Variants in ZNF536 observed in about 807,000 individuals in gnomAD.
ZNF536 encodes zinc finger protein 536.
Under a neutral mutation model 84.5 loss-of-function variants are expected in ZNF536, and 13 were observed. That is an observed-to-expected ratio of 0.15 (90% confidence interval 0.10 to 0.24). The LOEUF is 0.24. Among genes scored for constraint, ZNF536 ranks in the 10% least tolerant of loss-of-function variants. The probability of loss-of-function intolerance (pLI) is 1.00; values close to 1 mark genes in which losing one functional copy is unlikely to be tolerated. For missense variants in ZNF536, 1,536 were observed against 1,747.5 expected, an observed-to-expected ratio of 0.88 and a Z score of 2.16; for synonymous variants, 811 against 742.5, an observed-to-expected ratio of 1.09 and a Z score of -1.50.
At position 30,517,651 on chromosome 19, in the gene ZNF536, G is replaced by T. The variant is rs764042689; in HGVS notation, c.2171-17196G>T. On this transcript the variant is annotated intron_variant, in intron 2 of 4. Transcript: ENST00000355537. ...AAATTTACAAAATTAGCTGGGTGTG[G>T]CGGTGCATACGCCCCAGCTACTTGG... is the stretch of plus-strand genomic sequence containing the variant. Among the ~76,000 whole-genome samples, 32 of 152,178 alleles carry T rather than the reference G, an allele frequency of 2.1e-4. 1 individual carries two copies. The highest frequency in any genetic ancestry group is 8.3e-4 in the South Asian group (4 of 4,812).
intron 1 of ZNF536, among the ~76,000 whole-genome samples, chr19:30,270,626 T>C (rs1205309108): frequency 6.6e-6 from 1 of 152,224 alleles, no homozygotes; most frequent in African/African-American, 2.4e-5. Flanking sequence ...TTTAGAGTGA[T>C]GGAAGATCAT....
intron 1 of ZNF536, among the ~76,000 whole-genome samples, chr19:30,665,003 G>A (rs966830745): frequency 7.2e-5 from 11 of 152,204 alleles, no homozygotes; most frequent in African/African-American, 2.7e-4. Context: ...AACACTTCAG[G>A]CCTGGAAAAT....
At chr19:30,659,672 T>A (rs927266359) in intron 1 of ZNF536, among the ~76,000 whole-genome samples, 5 of 152,010 alleles carry the variant, frequency 3.3e-5, no homozygotes, top group Admixed American at 3.3e-4. Flanking sequence ...AACCATCAGA[T>A]CTTGTGAGAA....
intron 1 of ZNF536, among the ~76,000 whole-genome samples, chr19:30,403,715 G>A (rs894591601): frequency 4.6e-5 from 7 of 152,156 alleles, no homozygotes; most frequent in Non-Finnish European, 1.0e-4. Flanking sequence ...TGCTGCACTC[G>A]GCTGCAGTTT....
At chr19:30,654,947 T>TAA (rs2147498754) in intron 1 of ZNF536, among the ~76,000 whole-genome samples, 1 of 152,244 alleles carries the variant, frequency 6.6e-6, no homozygotes, top group South Asian at 2.1e-4. Context: ...GAATGCTGGT[T>TAA]AAAGGCAGGA....
chr19:30,448,399 G>T (rs376262836), intron 2 of ZNF536, among the ~76,000 whole-genome samples: 1 of 152,036 alleles, frequency 6.6e-6, no homozygotes, highest in Non-Finnish European at 1.5e-5. Flanking sequence ...GGATACAATG[G>T]GTATTTTATT....
intron 2 of ZNF536, among the ~76,000 whole-genome samples, chr19:30,509,809 C>A (rs1449024361): frequency 2.0e-5 from 3 of 152,218 alleles, no homozygotes; most frequent in East Asian, 3.8e-4. Flanking sequence ...ATCCGAAGTA[C>A]AATGGCTATT....
chr19:30,445,434 G>A lies in ZNF536; in HGVS notation c.1872G>A (p.Gly624=), dbSNP rs998131158. 15 of 1,614,058 alleles carry A rather than the reference G, an allele frequency of 9.3e-6. No individual in the cohort carries two copies. Among genetic ancestry groups the A allele is most frequent in the Non-Finnish European group, 1.3e-5 (15 of 1,180,040 alleles). ...TCGAGTATAACCTGCAGGGTCCTGGGAACATGAAGGAGAAGCCCACCGAGT... is the reference window on the plus strand; with the variant it reads ...TCGAGTATAACCTGCAGGGTCCTGGAAACATGAAGGAGAAGCCCACCGAGT... ...QTLEYNLQGP[G]NMKEKPTECP... The change falls in exon 2 of 5, where the codon GGG becomes GGA. Residue 624 remains glycine (G), a synonymous_variant. Transcript: ENST00000355537. The surrounding 1 kb of genome is among the most constrained non-coding windows in gnomAD (Gnocchi z 4.5).
chr19:30,497,005 A>G (rs1363250640), intron 2 of ZNF536, among the ~76,000 whole-genome samples: 1 of 152,150 alleles, frequency 6.6e-6, no homozygotes, highest in Non-Finnish European at 1.5e-5. Context: ...TTGGCTCAGC[A>G]GTGTGATGCT....
At chr19:30,407,904 G>A (rs2050328065) in intron 1 of ZNF536, among the ~76,000 whole-genome samples, 1 of 152,020 alleles carries the variant, frequency 6.6e-6, no homozygotes, top group African/African-American at 2.4e-5. Context: ...TTAGATCTGG[G>A]GACTGGGCTC....
At chr19:30,626,081 A>T (rs1171950944) in intron 1 of ZNF536, among the ~76,000 whole-genome samples, 1 of 152,240 alleles carries the variant, frequency 6.6e-6, no homozygotes, top group Non-Finnish European at 1.5e-5. Flanking sequence ...GTTCCAAAAA[A>T]TGCCTGCTTG....
intron 2 of ZNF536, among the ~76,000 whole-genome samples, chr19:30,529,298 A>T (rs890203755): frequency 1.8e-4 from 27 of 152,300 alleles, no homozygotes; most frequent in African/African-American, 6.3e-4. Flanking sequence ...CATTCAAATC[A>T]TGTTTGTATA....
intron 3 of ZNF536, among the ~76,000 whole-genome samples, chr19:30,359,460 G>A (rs924473371): frequency 6.6e-6 from 1 of 152,230 alleles, no homozygotes; most frequent in African/African-American, 2.4e-5. Flanking sequence ...GGAGGCCAGC[G>A]ACCGTTCCTG....
In ZNF536 at chr19:30,481,036, A is replaced by G. The variant is rs1045019070; in HGVS notation, c.2170+35304A>G. ...AGAGTTAGACCCTGTCTCAAAAAAA[A>G]AAAAAAAAGGGTGGGTTGGGGGGCT... On this transcript the variant is annotated intron_variant, in intron 2 of 4. Transcript: ENST00000355537. Among the ~76,000 whole-genome samples the G allele has an allele frequency of 2.1e-3, 318 of 152,138 alleles. 2 individuals carry two copies. The highest frequency in any genetic ancestry group is 7.4e-3 in the African/African-American group (306 of 41,528).
At chr19:30,585,004 G>A (rs562686071) in intron 1 of ZNF536, among the ~76,000 whole-genome samples, 14 of 152,022 alleles carry the variant, frequency 9.2e-5, no homozygotes, top group Non-Finnish European at 1.6e-4. Context: ...GGCTGAGGTG[G>A]GAGGATTGCT....
chr19:30,524,909 G>T (rs917700304), intron 2 of ZNF536, among the ~76,000 whole-genome samples: 8 of 151,952 alleles, frequency 5.3e-5, no homozygotes, highest in African/African-American at 1.9e-4. Flanking sequence ...AGAAGCAAAG[G>T]CATAACAAAT....
intron 1 of ZNF536, among the ~76,000 whole-genome samples, chr19:30,616,519 G>A (rs1284065328): frequency 6.6e-6 from 1 of 152,034 alleles, no homozygotes; most frequent in Non-Finnish European, 1.5e-5. Context: ...ATTTGATCAA[G>A]GCCTGTTATT....
Position 30,532,962 on chromosome 19 carries a change from G to T in ZNF536, c.2171-1885G>T, listed in dbSNP as rs138943490. On this transcript the variant is annotated intron_variant, in intron 2 of 4. Transcript: ENST00000355537. ...TTTGGGCAACCACAATCTAGGGCTTGGTGGAGTGACTTTGAGTTCTAGATG... is the reference window on the plus strand; with the variant it reads ...TTTGGGCAACCACAATCTAGGGCTTTGTGGAGTGACTTTGAGTTCTAGATG... Among the ~76,000 whole-genome samples, 24 of 152,276 alleles carry T rather than the reference G, an allele frequency of 1.6e-4. 1 individual carries two copies. The highest frequency in any genetic ancestry group is 5.5e-4 in the African/African-American group (23 of 41,560).
intron 1 of ZNF536, among the ~76,000 whole-genome samples, chr19:30,574,351 T>G (rs1179837118): frequency 6.6e-6 from 1 of 152,184 alleles, no homozygotes; most frequent in African/African-American, 2.4e-5. Context: ...GGATCCCAGG[T>G]GGGTTCCTCT....
Sources: allele counts gnomAD v4.1 joint callset (sites outside exome capture counted in the v4.1 genomes callset), GRCh38; gene constraint gnomAD v4.1.1; non-coding constraint Gnocchi (gnomAD v3.1); transcripts MANE v1.5; gene names NCBI Gene and HGNC (gene_info 2026-07-23, HGNC 2026-07-21).